The following XXYLT1 variants were observed in gnomAD, a reference collection of about 807,000 sequenced individuals.
The protein encoded by XXYLT1 is UDP-xylose:alpha-xyloside alpha-1,3-xylosyltransferase.
A neutral mutation model predicts 28.9 loss-of-function variants in XXYLT1; 20 were observed. That is an observed-to-expected ratio of 0.69 (90% CI 0.49 to 1.00). XXYLT1 has a LOEUF of 1.00. XXYLT1 is among the 50% of genes least tolerant of loss of function. The pLI is 0.00. For synonymous variants in XXYLT1, 257 were observed against 253.8 expected (o/e 1.01, Z -0.12); for missense variants, 542 against 560.1 (o/e 0.97, Z 0.33).
rs371268503 is a variant in XXYLT1, at chr3:195,173,817, C to G, written c.653-17236G>C. ...GAGCACCCAGCTCCCACCAGGGAGT[C>G]CCTCCTATGGGCCATGAGTGGCAAT... On this transcript the variant is annotated intron_variant, in intron 2 of 3. Transcript: ENST00000310380. This position sits in a 1 kb window ranked among gnomAD's most constrained non-coding sequence, Gnocchi z 4.3. Among the ~76,000 whole-genome samples the G allele has an allele frequency of 6.4e-4, 98 of 152,376 alleles. No homozygotes were observed. Among genetic ancestry groups the G allele is most frequent in the African/African-American group, 2.3e-3 (95 of 41,602 alleles).
At chr3:195,179,352 G>GAAAAAAAAAAAAAAAAAAAAAAAAAA (rs1210421002) in intron 2 of XXYLT1, among the ~76,000 whole-genome samples, 2 of 125,186 alleles carry the variant, frequency 1.6e-5, no homozygotes, top group Non-Finnish European at 1.7e-5. Context: ...AAAAAAAAAA[G>GAAAAAAAAAAAAAAAAAAAAAAAAAA]AAAAAAAAAA....
rs1339046903 is a variant in XXYLT1 at position 195,078,177 on chromosome 3, G to A, written c.786-8066C>T. Reference sequence around the variant, plus strand: ...GTTGAGTCCCAAACAGGTGCCCAGAGAACAGCAATGTGGAGGAGCCCAGCA... The same window carrying A: ...GTTGAGTCCCAAACAGGTGCCCAGAAAACAGCAATGTGGAGGAGCCCAGCA... On this transcript the variant is annotated intron_variant, in intron 3 of 3. Coordinates refer to ENST00000310380, the MANE Select transcript of XXYLT1 (RefSeq NM_152531.5). This position sits in a 1 kb window ranked among gnomAD's most constrained non-coding sequence, Gnocchi z 5.0. 6.6e-6 allele frequency among the ~76,000 whole-genome samples: 1 copy of A among 152,118 alleles called. No individual in the cohort carries two copies. The highest frequency in any genetic ancestry group is 2.4e-5 in the African/African-American group (1 of 41,434).
intron 2 of XXYLT1, among the ~76,000 whole-genome samples, chr3:195,212,093 G>GCCA (rs1367232028): frequency 2.0e-5 from 2 of 101,114 alleles, no homozygotes; most frequent in African/African-American, 4.6e-5. Flanking sequence ...GGAATGCCAT[G>GCCA]GGAAGATCTG....
chr3:195,234,871 C>A (rs867709514), intron 1 of XXYLT1, among the ~76,000 whole-genome samples: 1 of 152,014 alleles, frequency 6.6e-6, no homozygotes, highest in Non-Finnish European at 1.5e-5. Context: ...TGTTCTATAA[C>A]CTTCCTGTAC....
In XXYLT1 at chr3:195,119,722, G is replaced by A. The variant is rs78533392; in HGVS notation, c.785+36727C>T. 2.6e-5 allele frequency among the ~76,000 whole-genome samples: 4 copies of A among 152,276 alleles called. No individual in the cohort carries two copies. In the East Asian group the frequency reaches 5.8e-4, roughly 22 times the overall value. On this transcript the variant is annotated intron_variant, in intron 3 of 3. Transcript: ENST00000310380. ...TCCGCAGAACAATGCTGAGTCTCCC[G>A]AATGCCTCTTTTGTTCCATACGGCA...
intron 3 of XXYLT1, among the ~76,000 whole-genome samples, chr3:195,080,474 T>G (rs948877352): frequency 1.4e-5 from 2 of 142,908 alleles, no homozygotes; most frequent in Non-Finnish European, 3.0e-5. Flanking sequence ...CACATGCACC[T>G]GGCCCAGCTG....
At chr3:195,181,453 C>A (rs1313546823) in intron 2 of XXYLT1, among the ~76,000 whole-genome samples, 1 of 152,206 alleles carries the variant, frequency 6.6e-6, no homozygotes, top group Non-Finnish European at 1.5e-5. Context: ...ACCTCAAATT[C>A]TCTGAGGGCT....
rs1476690141 is a variant in XXYLT1 at position 195,124,114 on chromosome 3, C to G, written c.785+32335G>C. Among the ~76,000 whole-genome samples the G allele has an allele frequency of 6.6e-6, 1 of 152,242 alleles. No individual in the cohort carries two copies. The highest frequency in any genetic ancestry group is 1.5e-5 in the Non-Finnish European group (1 of 68,042). ...ACTTACTTGATCATTACACCCTTTTCTTCCAGGACACATTCTGGGATTGGT... is the reference window on the plus strand; with the variant it reads ...ACTTACTTGATCATTACACCCTTTTGTTCCAGGACACATTCTGGGATTGGT... On this transcript the variant is annotated intron_variant, in intron 3 of 3. Coordinates refer to ENST00000310380, the MANE Select transcript of XXYLT1 (RefSeq NM_152531.5). This position sits in a 1 kb window ranked among gnomAD's most constrained non-coding sequence, Gnocchi z 4.1.
chr3:195,226,504 G>A (rs1724058045), intron 2 of XXYLT1, among the ~76,000 whole-genome samples: 1 of 151,992 alleles, frequency 6.6e-6, no homozygotes, highest in Non-Finnish European at 1.5e-5. Context: ...AATGGACCCC[G>A]GGAGCTATGC....
chr3:195,118,826 G>A (rs1349293334), intron 3 of XXYLT1, among the ~76,000 whole-genome samples: 1 of 152,186 alleles, frequency 6.6e-6, no homozygotes, highest in Admixed American at 6.5e-5. Flanking sequence ...CAGAATTCCC[G>A]AAGGAGGTGA....
At chr3:195,112,508 A>ACACC (rs369900644) in intron 3 of XXYLT1, among the ~76,000 whole-genome samples, 3,140 of 38,826 alleles carry the variant, frequency 0.081, 101 homozygotes, top group African/African-American at 0.18. Context: ...ACACACCCAC[A>ACACC]CACACCCACA....
At chr3:195,107,185 G>A (rs1456616240) in intron 3 of XXYLT1, among the ~76,000 whole-genome samples, 1 of 152,058 alleles carries the variant, frequency 6.6e-6, no homozygotes, top group Non-Finnish European at 1.5e-5. Flanking sequence ...TCAAAAAGAA[G>A]AGAGGTGGCC....
intron 2 of XXYLT1, among the ~76,000 whole-genome samples, chr3:195,181,013 T>C (rs1241788836): frequency 6.6e-6 from 1 of 152,192 alleles, no homozygotes; most frequent in Non-Finnish European, 1.5e-5. Flanking sequence ...CTCCAGGCCG[T>C]GAGAGGGAAA....
At chr3:195,247,360 C>G (rs1297388106) in intron 1 of XXYLT1, among the ~76,000 whole-genome samples, 1 of 152,220 alleles carries the variant, frequency 6.6e-6, no homozygotes, top group Admixed American at 6.5e-5. Flanking sequence ...GTGTGGGAAC[C>G]ATCCCATGAC....
At chr3:195,252,258 T>C (rs965937087) in intron 1 of XXYLT1, among the ~76,000 whole-genome samples, 3 of 152,162 alleles carry the variant, frequency 2.0e-5, no homozygotes, top group Non-Finnish European at 4.4e-5. Flanking sequence ...TGACAGTAAA[T>C]ACCTCTGGAG....
chr3:195,086,952 C>A (rs1001292672), intron 3 of XXYLT1, among the ~76,000 whole-genome samples: 2 of 152,150 alleles, frequency 1.3e-5, no homozygotes, highest in Non-Finnish European at 2.9e-5. Context: ...AGGCCCCTCC[C>A]CGATACCTCC....
chr3:195,224,305 C>A (rs1365905469), intron 2 of XXYLT1, among the ~76,000 whole-genome samples: 4 of 152,234 alleles, frequency 2.6e-5, no homozygotes, highest in African/African-American at 9.6e-5. Context: ...GGGGCCCACA[C>A]CTGGAGGGAC....
intron 3 of XXYLT1, among the ~76,000 whole-genome samples, chr3:195,070,566 TAGC>T (rs1714746999): frequency 1.3e-5 from 2 of 152,146 alleles, no homozygotes; most frequent in Admixed American, 1.3e-4. Flanking sequence ...ATTCTTAAGA[TAGC>T]AGCAATCTAG....
Position 195,076,422 on chromosome 3 carries a change from G to A in XXYLT1, c.786-6311C>T, listed in dbSNP as rs143639513. ...TGAATTATGTCACGCAGGGGCCTTC[G>A]GTGGGAGGAGGGACAGTCGTGACAG... On this transcript the variant is annotated intron_variant, in intron 3 of 3. Coordinates refer to ENST00000310380, the MANE Select transcript of XXYLT1 (RefSeq NM_152531.5). The surrounding 1 kb of genome is among the most constrained non-coding windows in gnomAD (Gnocchi z 5.3). Among the ~76,000 whole-genome samples the A allele has an allele frequency of 0.016, 2,429 of 152,212 alleles. 23 individuals are homozygous for A. Among genetic ancestry groups the A allele is most frequent in the Non-Finnish European group, 0.023 (1,578 of 67,996 alleles).
Sources: gnomAD v4.1 joint callset for allele counts (sites outside exome capture counted in the v4.1 genomes callset) on GRCh38, gnomAD v4.1.1 for gene constraint, Gnocchi (gnomAD v3.1) non-coding constraint, MANE v1.5 for transcripts, NCBI Gene and HGNC (gene_info 2026-07-23, HGNC 2026-07-21) for gene names.